Variants in VMA21 observed in about 807,000 individuals in gnomAD.
VMA21 encodes vacuolar ATPase assembly integral membrane protein VMA21.
For synonymous variants in VMA21, 47 were observed against 34.1 expected, an observed-to-expected ratio of 1.38 and a Z score of -1.32; for missense variants, 61 against 80.6, an observed-to-expected ratio of 0.76 and a Z score of 0.93.
chrX:151,403,095 G>A (rs748812975), intron 1 of VMA21, among the ~76,000 whole-genome samples: 3 of 111,697 alleles, frequency 2.7e-5, no homozygotes, highest in African/African-American at 6.5e-5. Flanking sequence ...TGTCTGCCTC[G>A]TTAGTTCCCT....
In VMA21 at chrX:151,408,400, G is replaced by T. The variant is rs1174836664; in HGVS notation, c.*3342G>T. On this transcript the variant is annotated 3_prime_UTR_variant, in exon 3 of 3. Transcript: ENST00000330374. The stretch of plus-strand genomic sequence containing the variant: ...AAGTACATAAAAAGGATTTAAATCC[G>T]ATTTTAGATGTACCTAGTGTGTATT... 2 of 112,029 alleles carry T rather than the reference G, an allele frequency of 1.8e-5. No homozygotes were observed. Among genetic ancestry groups the T allele is most frequent in the Non-Finnish European group, 3.8e-5 (2 of 53,224 alleles). 9.2% of individuals were successfully genotyped at this position (112,029 alleles called of 1,213,427 possible).
rs1188185043 is a variant in VMA21, at chrX:151,407,047, T to C, written c.*1989T>C. The C allele has an allele frequency of 1.8e-5, 2 of 112,679 alleles. No homozygotes were observed. Among genetic ancestry groups the C allele is most frequent in the Non-Finnish European group, 3.7e-5 (2 of 53,390 alleles). The allele number at this position is 112,679 out of a possible 1,213,427, so 9.3% of individuals were successfully genotyped here. ...TTAAGAAGTATTGTTGTATTTAGAA[T>C]TGTCCACCTAATTTCTTTTTATATA... On this transcript the variant is annotated 3_prime_UTR_variant, in exon 3 of 3. Transcript: ENST00000330374.
rs2011314519 is a variant in VMA21, at chrX:151,408,107, G to C, written c.*3049G>C. The C allele has an allele frequency of 9.1e-6, 1 of 110,284 alleles. No homozygotes were observed. The highest frequency in any genetic ancestry group is 9.7e-5 in the Admixed American group (1 of 10,358). 9.1% of individuals were successfully genotyped at this position (110,284 alleles called of 1,213,427 possible). A position where few individuals can be genotyped will look rare whatever the true frequency, so the allele number is the denominator to read the frequency against. On this transcript the variant is annotated 3_prime_UTR_variant, in exon 3 of 3. Transcript: ENST00000330374. ...GGGTTTCACCATGTTAGCCAGGCTA[G>C]TCTCGAACTCCTGACCTCAGGTGAT...
chrX:151,396,652 G>C, upstream of VMA21: 1 of 382,475 alleles, frequency 2.6e-6, no homozygotes, highest in East Asian at 4.1e-5. Context: ...ACTCGGGTGA[G>C]TGTTTTAACT....
At chrX:151,403,274 G>A (rs764043014) in intron 1 of VMA21, among the ~76,000 whole-genome samples, 4 of 112,546 alleles carry the variant, frequency 3.6e-5, no homozygotes, top group East Asian at 5.6e-4. Flanking sequence ...CACTGGTGCC[G>A]CTGTCCGCCG....
rs1174823231 is a variant in VMA21, at chrX:151,405,343, CAT to C, written c.*286_*287del. The C allele has an allele frequency of 3.7e-6, 1 of 267,867 alleles. No homozygotes were observed. Among genetic ancestry groups the C allele is most frequent in the African/African-American group, 2.8e-5 (1 of 35,912 alleles). 22.1% of individuals were successfully genotyped at this position (267,867 alleles called of 1,213,427 possible). A position where few individuals can be genotyped will look rare whatever the true frequency, so the allele number is the denominator to read the frequency against. On this transcript the variant is annotated 3_prime_UTR_variant, in exon 3 of 3. Transcript: ENST00000330374. ...GGAATTTTATCTTCTTTCAACAAAA[CAT>C]GTTTTATAGTATTCTGACTTACGGT...
intron 1 of VMA21, among the ~76,000 whole-genome samples, chrX:151,399,958 G>A (rs1431281770): frequency 9.0e-6 from 1 of 111,282 alleles, no homozygotes; most frequent in Non-Finnish European, 1.9e-5. Context: ...ATAACATGAT[G>A]TTATGGCATA....
chrX:151,397,879 A>T (rs1239966689), intron 1 of VMA21, among the ~76,000 whole-genome samples: 1 of 111,934 alleles, frequency 8.9e-6, no homozygotes, highest in Non-Finnish European at 1.9e-5. Flanking sequence ...GGCCCACCCC[A>T]GTAGGCAAGG....
chrX:151,397,346 A>G lies in VMA21; in HGVS notation c.38A>G (p.Gln13Arg). 1 of 1,162,648 alleles carries G rather than the reference A, an allele frequency of 8.6e-7. No homozygotes were observed. ...RPDKAALNAL[Q>R]PPEFRNESSL... ...GATAAGGCGGCGCTGAACGCACTGCAGCCTCCTGAGTTCAGGTAGCCCTGA... is the reference window on the plus strand; with the variant it reads ...GATAAGGCGGCGCTGAACGCACTGCGGCCTCCTGAGTTCAGGTAGCCCTGA... The change falls in exon 1 of 3, where the codon CAG (glutamine) becomes CGG (arginine). Residue 13 changes from glutamine to arginine, a missense_variant. By Grantham distance (43) the Gln-to-Arg change is conservative. Transcript: ENST00000330374.
At position 151,407,168 on chromosome X, in the gene VMA21, G is replaced by A. The variant is rs1032275685; in HGVS notation, c.*2110G>A. ...ATTGTTTTGGTTTCAGGCATTTGCT[G>A]AATAGGTGATGATACATGGGTATTT... On this transcript the variant is annotated 3_prime_UTR_variant, in exon 3 of 3. Coordinates refer to ENST00000330374, the MANE Select transcript of VMA21 (RefSeq NM_001017980.4). The A allele has an allele frequency of 8.9e-6, 1 of 112,801 alleles. No individual in the cohort carries two copies. Among genetic ancestry groups the A allele is most frequent in the Non-Finnish European group, 1.9e-5 (1 of 53,376 alleles). 9.3% of individuals were successfully genotyped at this position (112,801 alleles called of 1,213,427 possible).
At chrX:151,397,113 G>A (rs934719179), upstream of VMA21, 1 of 318,969 alleles carries the variant, frequency 3.1e-6, no homozygotes, top group Non-Finnish European at 5.1e-6. Flanking sequence ...TCGCTGCGGC[G>A]CGCCGCGCCG....
At position 151,397,417 on chromosome X, in the gene VMA21, G is replaced by C. The variant is rs1240394054; in HGVS notation, c.53+56G>C. ...CGGACTGGCCCCAGCCTGGAGCAGGGCTTGAGGGAAGGCCCTAGCTGAATG... is the reference window on the plus strand; with the variant it reads ...CGGACTGGCCCCAGCCTGGAGCAGGCCTTGAGGGAAGGCCCTAGCTGAATG... On this transcript the variant is annotated intron_variant, in intron 1 of 2. Transcript: ENST00000330374. The C allele has an allele frequency of 7.1e-6, 8 of 1,134,244 alleles. No individual in the cohort carries two copies. In the Admixed American group the frequency reaches 1.3e-4, roughly 18 times the overall value. The allele number at this position is 1,134,244 out of a possible 1,213,427, so 93.5% of individuals were successfully genotyped here. A position where few individuals can be genotyped will look rare whatever the true frequency, so the allele number is the denominator to read the frequency against.
Position 151,408,348 on chromosome X carries a change from G to T in VMA21, c.*3290G>T. The T allele has an allele frequency of 8.9e-6, 1 of 111,922 alleles. No individual in the cohort carries two copies. Among genetic ancestry groups the T allele is most frequent in the Non-Finnish European group, 1.9e-5 (1 of 53,199 alleles). 9.2% of individuals were successfully genotyped at this position (111,922 alleles called of 1,213,427 possible). On this transcript the variant is annotated 3_prime_UTR_variant, in exon 3 of 3. Transcript: ENST00000330374. ...CACTAAAATCAGTTAAACAAGTAGG[G>T]TATATACAAAGAAAGATGAAACCCG...
Position 151,399,030 on chromosome X carries a change from C to T in VMA21, c.53+1669C>T, listed in dbSNP as rs149827901. Among the ~76,000 whole-genome samples the T allele has an allele frequency of 5.8e-3, 652 of 112,621 alleles. 4 individuals carry two copies. The highest frequency in any genetic ancestry group is 0.017 in the South Asian group (45 of 2,709). On this transcript the variant is annotated intron_variant, in intron 1 of 2. Coordinates refer to ENST00000330374, the MANE Select transcript of VMA21 (RefSeq NM_001017980.4). ...TTTTACCCAAGGTGGCTTGCATCAG[C>T]AAAACCAACAGCTCTTGTGGCTGGA...
Position 151,405,185 on chromosome X carries a change from A to G in VMA21, c.*127A>G. 1.2e-6 allele frequency: 1 copy of G among 817,093 alleles called. No homozygotes were observed. Among genetic ancestry groups the G allele is most frequent in the Non-Finnish European group, 1.7e-6 (1 of 580,220 alleles). 67.3% of individuals were successfully genotyped at this position (817,093 alleles called of 1,213,427 possible). ...CAGTCTTAAGGAGTCACGTTTGAGTATGTAAATTTTGATCTTTCTAATATG... is the reference window on the plus strand; with the variant it reads ...CAGTCTTAAGGAGTCACGTTTGAGTGTGTAAATTTTGATCTTTCTAATATG... On this transcript the variant is annotated 3_prime_UTR_variant, in exon 3 of 3. Coordinates refer to ENST00000330374, the MANE Select transcript of VMA21 (RefSeq NM_001017980.4).
chrX:151,403,667 C>T lies in VMA21; in HGVS notation c.90C>T (p.Leu30=), dbSNP rs1370992830. Residue 30 remains leucine, a synonymous_variant, in exon 2 of 3, where the codon CTC becomes CTT. Coordinates refer to ENST00000330374, the MANE Select transcript of VMA21 (RefSeq NM_001017980.4). ...CATTAGCATCTACACTGAAGACGCTCCTGTTCTTCACAGCTTTAATGATCA... is the reference window on the plus strand; with the variant it reads ...CATTAGCATCTACACTGAAGACGCTTCTGTTCTTCACAGCTTTAATGATCA... ...ESSLASTLKT[L]LFFTALMITV... is the part of the protein sequence containing the mutation. 5.0e-6 allele frequency: 6 copies of T among 1,208,997 alleles called. No individual in the cohort carries two copies. In the African/African-American group the frequency reaches 8.7e-5, roughly 18 times the overall value.
intron 2 of VMA21, among the ~76,000 whole-genome samples, chrX:151,404,011 G>A (rs1412594715): frequency 1.8e-5 from 2 of 111,612 alleles, no homozygotes; most frequent in African/African-American, 6.5e-5. Flanking sequence ...GGAATTTTGG[G>A]GGAATGGACT....
intron 1 of VMA21, among the ~76,000 whole-genome samples, chrX:151,399,538 T>C (rs1341295134): frequency 8.9e-6 from 1 of 111,839 alleles, no homozygotes; most frequent in Non-Finnish European, 1.9e-5. Context: ...GTCAAGTGCT[T>C]TTTTTAGGGT....
rs1368233252 is a variant in VMA21 at position 151,407,545 on chromosome X, T to G, written c.*2487T>G. ...TAAGGTAGAAATATGTTCCCTATTG[T>G]TTGAAAACTGATTGTAAGAATAACC... On this transcript the variant is annotated 3_prime_UTR_variant, in exon 3 of 3. Coordinates refer to ENST00000330374, the MANE Select transcript of VMA21 (RefSeq NM_001017980.4). The G allele has an allele frequency of 8.9e-6, 1 of 112,812 alleles. No homozygotes were observed. The highest frequency in any genetic ancestry group is 3.2e-5 in the African/African-American group (1 of 30,993). The allele number at this position is 112,812 out of a possible 1,213,427, so 9.3% of individuals were successfully genotyped here.
Sources: gnomAD v4.1 joint callset for allele counts (sites outside exome capture counted in the v4.1 genomes callset) on GRCh38, gnomAD v4.1.1 for gene constraint, MANE v1.5 for transcripts, NCBI Gene and HGNC (gene_info 2026-07-23, HGNC 2026-07-21) for gene names.